The following MEGF11 variants were observed in gnomAD, a reference collection of about 807,000 sequenced individuals.
The protein encoded by MEGF11 is multiple EGF like domains 11, also known as multiple epidermal growth factor-like domains protein 11.
A neutral mutation model predicts 146.6 loss-of-function variants in MEGF11; 126 were observed. The ratio of observed to expected loss-of-function variants is 0.86; its 90% CI spans 0.74 to 1.00. The LOEUF is 1.00. MEGF11 is among the 50% of genes least tolerant of loss of function. The pLI is 0.00. For synonymous variants in MEGF11, 532 were observed against 583.4 expected (o/e 0.91, Z 1.27); for missense variants, 1,509 against 1,521.2 (o/e 0.99, Z 0.13).
At chr15:66,084,488 C>T (rs1262854043) in intron 5 of MEGF11, among the ~76,000 whole-genome samples, 3 of 152,152 alleles carry the variant, frequency 2.0e-5, no homozygotes. Flanking sequence ...CTGTGAGTGC[C>T]CCAAGTGTGG....
At chr15:66,010,091 G>C (rs528044938) in intron 5 of MEGF11, among the ~76,000 whole-genome samples, 1 of 151,276 alleles carries the variant, frequency 6.6e-6, no homozygotes, top group South Asian at 2.1e-4. Flanking sequence ...CAGTGTTTTG[G>C]CTTCCCAGGG....
At position 66,218,207 on chromosome 15, in the gene MEGF11, T is replaced by A. The variant is rs145774605; in HGVS notation, c.-9+35398A>T. ...CCAGCATTTACATCAATGTGGTTCA[T>A]CCCTAGAGGGAGATACATTAAAGAA... On this transcript the variant is annotated intron_variant, in intron 1 of 25. Transcript: ENST00000395614. 5.8e-3 allele frequency among the ~76,000 whole-genome samples: 888 copies of A among 152,282 alleles called. 7 individuals carry two copies. Among genetic ancestry groups the A allele is most frequent in the African/African-American group, 0.021 (865 of 41,558 alleles).
intron 4 of MEGF11, among the ~76,000 whole-genome samples, chr15:66,101,842 A>T (rs146176522): frequency 6.6e-5 from 10 of 152,256 alleles, no homozygotes; most frequent in African/African-American, 1.2e-4. Flanking sequence ...GAAAAATTCC[A>T]GTGACTCTGC....
chr15:66,109,881 T>C (rs1181465599), intron 4 of MEGF11, among the ~76,000 whole-genome samples: 3 of 152,206 alleles, frequency 2.0e-5, no homozygotes, highest in African/African-American at 7.2e-5. Flanking sequence ...TTATCAGTAC[T>C]CAGGGCTGGA....
chr15:66,012,571 T>A (rs2082743464), intron 5 of MEGF11, among the ~76,000 whole-genome samples: 1 of 152,266 alleles, frequency 6.6e-6, no homozygotes, highest in South Asian at 2.1e-4. Flanking sequence ...TGCAGCAAAT[T>A]TACCCAACGG....
At chr15:65,906,258 A>ACAAC in intron 23 of MEGF11, 117 bp from the exon 24 acceptor site, 2 of 674,784 alleles carry the variant, frequency 3.0e-6, no homozygotes, top group Non-Finnish European at 5.1e-6. Context: ...CAGAAAATAA[A>ACAAC]TAGTTGTTTA....
intron 1 of MEGF11, among the ~76,000 whole-genome samples, chr15:66,171,386 C>T (rs2090251194): frequency 6.6e-6 from 1 of 152,150 alleles, no homozygotes; most frequent in Admixed American, 6.5e-5. Flanking sequence ...TGGTCCTGCT[C>T]CTGTGAATGC....
intron 8 of MEGF11, among the ~76,000 whole-genome samples, chr15:65,969,920 C>A (rs1251449469): frequency 6.6e-6 from 1 of 152,138 alleles, no homozygotes; most frequent in Admixed American, 6.5e-5. Context: ...AATCTACTCA[C>A]CATCACACAC....
At chr15:66,169,132 A>G (rs1182244547) in intron 1 of MEGF11, among the ~76,000 whole-genome samples, 1 of 152,238 alleles carries the variant, frequency 6.6e-6, no homozygotes, top group Admixed American at 6.5e-5. Flanking sequence ...TGCTGCCTCC[A>G]TCACCCCAGG....
At chr15:65,901,767 TTATG>T (rs2078501163) in intron 24 of MEGF11, 2 of 152,186 alleles carry the variant, frequency 1.3e-5, no homozygotes, top group African/African-American at 4.8e-5. Context: ...AATAACCACT[TTATG>T]TAGCACGTAT....
chr15:66,220,391 T>C (rs1334008306), intron 1 of MEGF11, among the ~76,000 whole-genome samples: 1 of 151,852 alleles, frequency 6.6e-6, no homozygotes, highest in South Asian at 2.1e-4. Flanking sequence ...TCTCGAGAGA[T>C]TACTGTATGA....
intron 17 of MEGF11, 100 bp from the exon 18 acceptor site, chr15:65,916,376 A>C: frequency 1.4e-6 from 2 of 1,420,362 alleles, no homozygotes; most frequent in Non-Finnish European, 1.9e-6. Flanking sequence ...TTTGCTGAGC[A>C]TGGGATGAAG....
chr15:66,158,420 C>A (rs909103456), intron 1 of MEGF11, among the ~76,000 whole-genome samples: 1 of 152,260 alleles, frequency 6.6e-6, no homozygotes, highest in East Asian at 1.9e-4. Flanking sequence ...TCAGCCTCAG[C>A]CCAACTTCCT....
At chr15:66,071,252 T>C (rs1407261408) in intron 5 of MEGF11, among the ~76,000 whole-genome samples, 1 of 152,146 alleles carries the variant, frequency 6.6e-6, no homozygotes, top group Non-Finnish European at 1.5e-5. Flanking sequence ...AGACTCTACG[T>C]TCCTTGAGGG....
At position 65,926,963 on chromosome 15, in the gene MEGF11, C is replaced by T. The variant is rs147232369; in HGVS notation, c.1675+1462G>A. On this transcript the variant is annotated intron_variant, in intron 13 of 25. Transcript: ENST00000395614. ...CAGGCTGGAGATACTGCAGAGGAAG[C>T]AATGTCCCTGGCTCTTGGCTGCTTA... is the stretch of plus-strand genomic sequence containing the variant. 1.4e-3 allele frequency among the ~76,000 whole-genome samples: 207 copies of T among 152,332 alleles called. 1 individual carries two copies. Among genetic ancestry groups the T allele is most frequent in the African/African-American group, 4.8e-3 (200 of 41,572 alleles).
intron 4 of MEGF11, among the ~76,000 whole-genome samples, chr15:66,118,191 T>C (rs563798177): frequency 1.3e-4 from 20 of 152,238 alleles, no homozygotes; most frequent in Admixed American, 3.3e-4. Context: ...GGGAACCTTC[T>C]AAGGCCCACT....
intron 1 of MEGF11, among the ~76,000 whole-genome samples, chr15:66,183,930 A>G (rs550084812): frequency 1.3e-5 from 2 of 152,338 alleles, no homozygotes; most frequent in South Asian, 4.1e-4. Context: ...AGTGTGGATG[A>G]ATCTCAAAAT....
intron 6 of MEGF11, among the ~76,000 whole-genome samples, chr15:65,981,847 G>C (rs139473368): frequency 0.011 from 1,670 of 152,260 alleles, 27 homozygotes; most frequent in African/African-American, 0.038. Context: ...AAGGCCCCAG[G>C]TGAGCAGCAT....
intron 5 of MEGF11, among the ~76,000 whole-genome samples, chr15:66,024,328 G>A (rs776476567): frequency 9.2e-5 from 14 of 152,356 alleles, no homozygotes; most frequent in African/African-American, 2.4e-4. Flanking sequence ...CCGGGGCTGC[G>A]CCCACACATT....
Sources: allele counts gnomAD v4.1 joint callset (sites outside exome capture counted in the v4.1 genomes callset), GRCh38; gene constraint gnomAD v4.1.1; transcripts MANE v1.5; gene names NCBI Gene and HGNC (gene_info 2026-07-23, HGNC 2026-07-21).